SHROOM3: variants seen among roughly 807,000 people sequenced by gnomAD.
The protein encoded by SHROOM3 is protein Shroom3.
A neutral mutation model predicts 138.6 loss-of-function variants in SHROOM3; 47 were observed. The observed-to-expected ratio is 0.34, with a 90% CI of 0.27 to 0.43. The LOEUF (loss-of-function observed/expected upper bound fraction) is 0.43. SHROOM3 is among the 20% of genes least tolerant of loss of function. The pLI, the probability that SHROOM3 is intolerant of heterozygous loss-of-function variation, is 1.00. For synonymous variants in SHROOM3, 1,062 were observed against 1,063.3 expected (o/e 1.00, Z 0.02); for missense variants, 2,491 against 2,596.5 (o/e 0.96, Z 0.88).
intron 9 of SHROOM3, among the ~76,000 whole-genome samples, chr4:76,760,127 G>T (rs1429091880): frequency 6.6e-6 from 1 of 152,162 alleles, no homozygotes; most frequent in Non-Finnish European, 1.5e-5. Flanking sequence ...TTTTAGGGAA[G>T]GAGGCCAATT....
chr4:76,767,473 T>G (rs1360127305), intron 9 of SHROOM3, among the ~76,000 whole-genome samples: 1 of 151,962 alleles, frequency 6.6e-6, no homozygotes, highest in Non-Finnish European at 1.5e-5. Flanking sequence ...AGGTCAGGAG[T>G]TCGAGACCAG....
chr4:76,449,220 A>G (rs976430123), intron 1 of SHROOM3, among the ~76,000 whole-genome samples: 1 of 151,430 alleles, frequency 6.6e-6, no homozygotes, highest in Non-Finnish European at 1.5e-5. Context: ...AACAGAATAG[A>G]TAGAGAAAAT....
rs150048957 is a variant in SHROOM3, at chr4:76,681,625, G to GTGTGTGTGTGTGTGTGTGTGTGTGTGTA, written c.324-28522_324-28521insGTGTGTGTGTGTGTGTGTATGTGTGTGT. On this transcript the variant is annotated intron_variant, in intron 2 of 10. Transcript: ENST00000296043. ...TGTGTGTGTGTGTGTGTGTGTGTGTGTGTGTGTGTATGTGTCTGGATGAGA... is the reference window on the plus strand; with the variant it reads ...TGTGTGTGTGTGTGTGTGTGTGTGTGTGTGTGTGTGTGTGTGTGTGTGTGTGTATGTGTGTGTATGTGTCTGGATGAGA... 1.3e-3 allele frequency among the ~76,000 whole-genome samples: 149 copies of GTGTGTGTGTGTGTGTGTGTGTGTGTGTA among 117,842 alleles called. 4 individuals carry two copies. The highest frequency in any genetic ancestry group is 4.1e-3 in the African/African-American group (115 of 28,302). 77.3% of individuals were successfully genotyped at this position (117,842 alleles called of 152,430 possible).
At chr4:76,528,438 C>T (rs772805000) in intron 1 of SHROOM3, among the ~76,000 whole-genome samples, 1 of 150,768 alleles carries the variant, frequency 6.6e-6, no homozygotes, top group East Asian at 2.0e-4. Flanking sequence ...CCTGCCTCAG[C>T]TTCCTAAGTA....
chr4:76,570,166 C>CAA, intron 2 of SHROOM3, among the ~76,000 whole-genome samples: 1 of 151,862 alleles, frequency 6.6e-6, no homozygotes, highest in East Asian at 2.0e-4. Flanking sequence ...AACACACACA[C>CAA]ACACACACAC....
chr4:76,719,656 TG>T (rs1414271157), intron 3 of SHROOM3, among the ~76,000 whole-genome samples: 1 of 152,046 alleles, frequency 6.6e-6, no homozygotes, highest in Non-Finnish European at 1.5e-5. Context: ...AGGGGAATAT[TG>T]GGGAAAAAAA....
chr4:76,663,247 C>A (rs1387575002), intron 2 of SHROOM3, among the ~76,000 whole-genome samples: 1 of 151,910 alleles, frequency 6.6e-6, no homozygotes, highest in African/African-American at 2.4e-5. Flanking sequence ...AGGGAAGGAG[C>A]CATTGGGTCT....
intron 2 of SHROOM3, among the ~76,000 whole-genome samples, chr4:76,563,121 A>C (rs1424260867): frequency 6.6e-6 from 1 of 152,214 alleles, no homozygotes; most frequent in Admixed American, 6.5e-5. Flanking sequence ...CTGAGTTGCT[A>C]TAAGGATGAA....
intron 6 of SHROOM3, among the ~76,000 whole-genome samples, chr4:76,751,547 T>C (rs1721623747): frequency 6.6e-6 from 1 of 152,210 alleles, no homozygotes. Context: ...CTCCACTCTT[T>C]TTATCTCCAT....
intron 2 of SHROOM3, among the ~76,000 whole-genome samples, chr4:76,673,393 A>G (rs927934810): frequency 6.7e-6 from 1 of 148,468 alleles, no homozygotes; most frequent in African/African-American, 2.6e-5. Context: ...AATGGTTTAG[A>G]AAGAAAGATT....
chr4:76,647,882 C>T (rs1240107495), intron 2 of SHROOM3, among the ~76,000 whole-genome samples: 1 of 152,004 alleles, frequency 6.6e-6, no homozygotes, highest in Non-Finnish European at 1.5e-5. Flanking sequence ...CTGGGAGACA[C>T]AGCTAGACTC....
At position 76,640,962 on chromosome 4, in the gene SHROOM3, G is replaced by A. The variant is rs201309106; in HGVS notation, c.324-69194G>A. ...AGGGGCTGCATGCATACATAAATGG[G>A]AAGAAGGTTAAAAGTGAGGAAATGG... On this transcript the variant is annotated intron_variant, in intron 2 of 10. Transcript: ENST00000296043. Among the ~76,000 whole-genome samples, 16 of 152,304 alleles carry A rather than the reference G, an allele frequency of 1.1e-4. No homozygotes were observed. The East Asian group carries it at 2.7e-3, about 26-fold the overall frequency.
intron 2 of SHROOM3, among the ~76,000 whole-genome samples, chr4:76,592,656 G>T (rs1734298874): frequency 6.6e-6 from 1 of 152,164 alleles, no homozygotes; most frequent in Non-Finnish European, 1.5e-5. Flanking sequence ...CTAAATCGTT[G>T]TTTCCATTTT....
At chr4:76,778,085 GT>G (rs1018913232) in intron 10 of SHROOM3, among the ~76,000 whole-genome samples, 1 of 152,122 alleles carries the variant, frequency 6.6e-6, no homozygotes, top group Non-Finnish European at 1.5e-5. Context: ...CACCTCCAGA[GT>G]TTTTTATTCA....
intron 2 of SHROOM3, among the ~76,000 whole-genome samples, chr4:76,656,362 TA>T (rs1185505336): frequency 6.6e-6 from 1 of 152,202 alleles, no homozygotes; most frequent in African/African-American, 2.4e-5. Flanking sequence ...ATTGTTCCTT[TA>T]AAAAATCTTC....
At chr4:76,478,559 A>C (rs1167214315) in intron 1 of SHROOM3, among the ~76,000 whole-genome samples, 1 of 152,234 alleles carries the variant, frequency 6.6e-6, no homozygotes, top group Non-Finnish European at 1.5e-5. Context: ...AGCTTCAGCA[A>C]GCTTAAACAT....
chr4:76,510,778 C>A (rs1023656179), intron 1 of SHROOM3, among the ~76,000 whole-genome samples: 8 of 152,136 alleles, frequency 5.3e-5, no homozygotes, highest in African/African-American at 1.9e-4. Flanking sequence ...TAGTGTGGCA[C>A]AGGGGAAAGA....
At chr4:76,743,616 GAA>G (rs1721333674) in intron 5 of SHROOM3, among the ~76,000 whole-genome samples, 1 of 152,174 alleles carries the variant, frequency 6.6e-6, no homozygotes, top group African/African-American at 2.4e-5. Flanking sequence ...CTTCATTGCA[GAA>G]CAATAGATAC....
At chr4:76,638,288 A>G (rs1406277357) in intron 2 of SHROOM3, among the ~76,000 whole-genome samples, 1 of 152,234 alleles carries the variant, frequency 6.6e-6, no homozygotes, top group East Asian at 1.9e-4. Context: ...AATTAAATCA[A>G]AAATATGTTT....
Sources: allele counts gnomAD v4.1 joint callset (sites outside exome capture counted in the v4.1 genomes callset), GRCh38; gene constraint gnomAD v4.1.1; transcripts MANE v1.5; gene names NCBI Gene and HGNC (gene_info 2026-07-23, HGNC 2026-07-21).